Variants in SYTL2 observed in about 807,000 individuals in gnomAD.
SYTL2 encodes the protein synaptotagmin-like protein 2.
A neutral mutation model predicts 198.7 loss-of-function variants in SYTL2; 165 were observed. The observed-to-expected ratio is 0.83, with a 90% CI of 0.73 to 0.94. SYTL2 has a LOEUF of 0.94. Ranked by LOEUF, SYTL2 falls within the 40% of genes least tolerant of loss-of-function variation. The pLI is 0.00. For synonymous variants in SYTL2, 966 were observed against 917.7 expected, an observed-to-expected ratio of 1.05 and a Z score of -0.95; for missense variants, 2,835 against 2,582.8, an observed-to-expected ratio of 1.10 and a Z score of -2.12.
intron 1 of SYTL2, among the ~76,000 whole-genome samples, chr11:85,763,911 A>G (rs2092166068): frequency 6.6e-6 from 1 of 152,230 alleles, no homozygotes; most frequent in Non-Finnish European, 1.5e-5. Flanking sequence ...CCAAAGACGG[A>G]ACAAGTTGAA....
upstream of SYTL2, among the ~76,000 whole-genome samples, chr11:85,813,016 G>C (rs1324059783): frequency 6.6e-6 from 1 of 152,122 alleles, no homozygotes; most frequent in East Asian, 1.9e-4. Flanking sequence ...ATCTGGCATA[G>C]GACTTTGAAG....
At chr11:85,710,824 G>C (rs1350315718) in intron 13 of SYTL2, among the ~76,000 whole-genome samples, 1 of 152,062 alleles carries the variant, frequency 6.6e-6, no homozygotes, top group Non-Finnish European at 1.5e-5. Flanking sequence ...CCCATTTGTT[G>C]CACAGAAAAA....
chr11:85,824,522 C>A, the SYTL2 span, among the ~76,000 whole-genome samples: 1 of 152,150 alleles, frequency 6.6e-6, no homozygotes, highest in African/African-American at 2.4e-5. Context: ...CACTGAGTGT[C>A]TTGGGGTAGA....
rs780854009 is a variant in SYTL2 at position 85,724,242 on chromosome 11, C to A, written c.5116G>T (p.Ala1706Ser). The A allele has an allele frequency of 2.4e-5, 37 of 1,570,158 alleles. No individual in the cohort carries two copies. Among genetic ancestry groups the A allele is most frequent in the Non-Finnish European group, 3.1e-5 (36 of 1,164,574 alleles). Reference protein sequence around the residue: ...GTLQEPGFGEASEAISVSRNR... With the variant: ...GTLQEPGFGESSEAISVSRNR... ...CTGGACACACTAATTGCTTCAGAAGCCTCTCCAAAGCCAGGTTCCTGAAGA... is the reference window on the plus strand; with the variant it reads ...CTGGACACACTAATTGCTTCAGAAGACTCTCCAAAGCCAGGTTCCTGAAGA... Residue 1706 changes from alanine to serine, a missense_variant, in exon 8 of 20, where the codon GCT (alanine) becomes TCT (serine). Ala to Ser is a moderately conservative substitution (Grantham distance 99). Transcript: ENST00000359152.
intron 1 of SYTL2, among the ~76,000 whole-genome samples, chr11:85,787,562 G>A (rs1053021313): frequency 1.3e-5 from 2 of 152,160 alleles, no homozygotes; most frequent in Non-Finnish European, 2.9e-5. Flanking sequence ...TCAAGTGGAA[G>A]ATGACAAGGG....
At chr11:85,794,787 T>C (rs1372140117) in intron 1 of SYTL2, among the ~76,000 whole-genome samples, 1 of 152,158 alleles carries the variant, frequency 6.6e-6, no homozygotes, top group Admixed American at 6.5e-5. Flanking sequence ...AAAAGAAAAG[T>C]TCATTTGAGG....
At chr11:85,721,487 T>C (rs550673854) in intron 8 of SYTL2, among the ~76,000 whole-genome samples, 3 of 152,204 alleles carry the variant, frequency 2.0e-5, no homozygotes, top group African/African-American at 7.2e-5. Context: ...GGAAATAACA[T>C]GGGATAGTCA....
intron 1 of SYTL2, among the ~76,000 whole-genome samples, chr11:85,774,155 A>C (rs560037768): frequency 2.6e-5 from 4 of 152,366 alleles, no homozygotes; most frequent in Admixed American, 6.5e-5. Flanking sequence ...GAAAATAAAA[A>C]ACTAAATTAA....
chr11:85,822,097 G>A, the SYTL2 span, among the ~76,000 whole-genome samples: 2 of 152,206 alleles, frequency 1.3e-5, no homozygotes, highest in African/African-American at 2.4e-5. Flanking sequence ...CTGTAAGGCA[G>A]GTGTTACCAC....
chr11:85,812,973 C>G (rs185099483), upstream of SYTL2, among the ~76,000 whole-genome samples: 188 of 152,318 alleles, frequency 1.2e-3, no homozygotes, highest in African/African-American at 4.4e-3. Flanking sequence ...AGGGCAGGCA[C>G]TGGGTCTTGC....
intron 1 of SYTL2, among the ~76,000 whole-genome samples, chr11:85,763,120 T>C (rs2092144117): frequency 6.6e-6 from 1 of 152,216 alleles, no homozygotes; most frequent in South Asian, 2.1e-4. Context: ...GAATGACTTC[T>C]CTAAGTCTTG....
At position 85,696,386 on chromosome 11, in the gene SYTL2, G is replaced by A; in HGVS notation, c.6371C>T (p.Thr2124Ile). 1 of 1,613,452 alleles carries A rather than the reference G, an allele frequency of 6.2e-7. No homozygotes were observed. The highest frequency in any genetic ancestry group is 8.5e-7 in the Non-Finnish European group (1 of 1,179,418). Residue 2124 changes from threonine to isoleucine, a missense_variant and splice_region_variant, in exon 19 of 20, where the codon ACC becomes ATC. Coordinates refer to ENST00000359152, the MANE Select transcript of SYTL2 (RefSeq NM_206927.4). ...TTTCCTACTTGTATCTGGAAGGATG[G>A]TACTACAAAAAGAGGCATGATTGTG... ...GSHLNSFVKC[T>I]ILPDTSRKSR...
intron 8 of SYTL2, among the ~76,000 whole-genome samples, chr11:85,721,679 G>A (rs1479077855): frequency 6.6e-6 from 1 of 152,056 alleles, no homozygotes; most frequent in Non-Finnish European, 1.5e-5. Flanking sequence ...AATATTTGCT[G>A]AATCAATGAG....
intron 1 of SYTL2, among the ~76,000 whole-genome samples, chr11:85,797,404 G>A (rs1237674480): frequency 9.9e-5 from 15 of 152,098 alleles, no homozygotes; most frequent in Admixed American, 9.8e-4. Flanking sequence ...GAGGTGGGAG[G>A]ATCCCTTGAG....
At position 85,748,524 on chromosome 11, in the gene SYTL2, GA is replaced by G. The variant is rs1331188595; in HGVS notation, c.102-102del. On this transcript the variant is annotated intron_variant, in intron 2 of 19. Coordinates refer to ENST00000359152, the MANE Select transcript of SYTL2 (RefSeq NM_206927.4). ...ACATGTGTAAACACACAGATAAAAT[GA>G]AGCTTTAATATTTCAGATGATCCCA... 1.2e-5 allele frequency: 15 copies of G among 1,278,444 alleles called. No individual in the cohort carries two copies. In the African/African-American group the frequency reaches 2.2e-4, roughly 19 times the overall value. 79.2% of individuals were successfully genotyped at this position (1,278,444 alleles called of 1,614,324 possible).
the SYTL2 span, among the ~76,000 whole-genome samples, chr11:85,823,852 C>T: frequency 6.6e-6 from 1 of 152,224 alleles, no homozygotes; most frequent in South Asian, 2.1e-4. Context: ...TGCATGTAAA[C>T]TCTACGTAAG....
intron 2 of SYTL2, among the ~76,000 whole-genome samples, chr11:85,757,243 T>TG (rs1415185703): frequency 6.6e-6 from 1 of 151,472 alleles, no homozygotes; most frequent in Admixed American, 6.6e-5. Context: ...TTCTAAAAAT[T>TG]TTTTAAAATT....
At chr11:85,790,430 C>T (rs981282251) in intron 1 of SYTL2, among the ~76,000 whole-genome samples, 16 of 152,188 alleles carry the variant, frequency 1.1e-4, no homozygotes, top group African/African-American at 3.9e-4. Flanking sequence ...ACTTCACTTG[C>T]TTTACTGCAT....
In SYTL2 at chr11:85,700,528, T is replaced by A. The variant is rs1392184533; in HGVS notation, c.6255A>T (p.Pro2085=). 1 of 1,613,454 alleles carries A rather than the reference T, an allele frequency of 6.2e-7. No individual in the cohort carries two copies. The highest frequency in any genetic ancestry group is 8.5e-7 in the Non-Finnish European group (1 of 1,179,498). The change falls in exon 17 of 20, where the codon CCA becomes CCT. Residue 2085 remains proline, a synonymous_variant. Coordinates refer to ENST00000359152, the MANE Select transcript of SYTL2 (RefSeq NM_206927.4). ...GEMKLALQYV[P]EPVPGKKLPT... ...GTCATTACATACCAGGGACTGGCTC[T>A]GGGACATACTGGAGAGCTAGTTTCA...
Sources: allele counts gnomAD v4.1 joint callset (sites outside exome capture counted in the v4.1 genomes callset), GRCh38; gene constraint gnomAD v4.1.1; transcripts MANE v1.5; gene names NCBI Gene and HGNC (gene_info 2026-07-23, HGNC 2026-07-21).